The following IMMP2L variants were observed in gnomAD, a reference collection of about 807,000 sequenced individuals.
The protein encoded by IMMP2L is inner mitochondrial membrane peptidase subunit 2, also known as mitochondrial inner membrane protease subunit 2.
IMMP2L carries 18 observed loss-of-function variants against 19.3 expected under a neutral mutation model. The ratio of observed to expected loss-of-function variants is 0.93; its 90% CI spans 0.64 to 1.38. The LOEUF (loss-of-function observed/expected upper bound fraction) is 1.38, where lower values mean the gene tolerates loss of function less well. IMMP2L is among the 40% of genes most tolerant of loss of function. The pLI, the probability that IMMP2L is intolerant of heterozygous loss-of-function variation, is 0.00. For missense variants in IMMP2L, 233 were observed against 218.2 expected, an observed-to-expected ratio of 1.07 and a Z score of -0.43; for synonymous variants, 76 against 73.0, an observed-to-expected ratio of 1.04 and a Z score of -0.21.
intron 3 of IMMP2L, among the ~76,000 whole-genome samples, chr7:111,470,036 T>C (rs10266452): frequency 0.18 from 26,605 of 151,422 alleles, 4,373 homozygotes; most frequent in African/African-American, 0.44. Context: ...AAGAAAAAAA[T>C]AAACAACCCC....
At chr7:110,789,739 C>T (rs1800335120) in intron 5 of IMMP2L, among the ~76,000 whole-genome samples, 1 of 151,582 alleles carries the variant, frequency 6.6e-6, no homozygotes, top group South Asian at 2.1e-4. Context: ...GTCCTCCCTG[C>T]CTGACATGTT....
rs560556629 is a variant in IMMP2L, at chr7:110,863,005, G to A, written c.408+23588C>T. On this transcript the variant is annotated intron_variant, in intron 5 of 5. Transcript: ENST00000405709. ...ATTACCCTGTGGAAACTGGGGGATC[G>A]GAGAACCAGCACAAATTCTGATACT... Among the ~76,000 whole-genome samples the A allele has an allele frequency of 3.3e-5, 5 of 152,112 alleles. 1 individual carries two copies. The South Asian group carries it at 6.2e-4, about 19-fold the overall frequency.
chr7:111,021,634 G>A (rs139383517), intron 3 of IMMP2L, among the ~76,000 whole-genome samples: 171 of 152,332 alleles, frequency 1.1e-3, no homozygotes, highest in Middle Eastern at 3.4e-3. Flanking sequence ...AGTAATCCCA[G>A]CACTTTTGGA....
At chr7:111,351,482 C>T (rs1323561917) in intron 3 of IMMP2L, among the ~76,000 whole-genome samples, 1 of 152,168 alleles carries the variant, frequency 6.6e-6, no homozygotes, top group Non-Finnish European at 1.5e-5. Context: ...AGCCACCGCA[C>T]CCGGCCCATC....
At chr7:111,523,862 T>G (rs527446491) in intron 1 of IMMP2L, among the ~76,000 whole-genome samples, 30 of 152,254 alleles carry the variant, frequency 2.0e-4, no homozygotes, top group Non-Finnish European at 3.2e-4. Flanking sequence ...CTGCTTGACA[T>G]GTTTCATTCA....
At chr7:111,358,454 T>C (rs111444238) in intron 3 of IMMP2L, among the ~76,000 whole-genome samples, 3,981 of 152,024 alleles carry the variant, frequency 0.026, 178 homozygotes, top group African/African-American at 0.091. Context: ...AATCACATTA[T>C]CTTGTGATTA....
intron 3 of IMMP2L, among the ~76,000 whole-genome samples, chr7:111,265,285 C>T (rs1817709345): frequency 2.0e-5 from 3 of 152,130 alleles, no homozygotes; most frequent in Admixed American, 2.0e-4. Flanking sequence ...GAAATGTATT[C>T]TATTAAACAC....
At chr7:110,919,860 G>T (rs1055110621) in intron 4 of IMMP2L, among the ~76,000 whole-genome samples, 1 of 152,110 alleles carries the variant, frequency 6.6e-6, no homozygotes, top group Non-Finnish European at 1.5e-5. Flanking sequence ...TCGGTGGACT[G>T]GGAGAGGCAG....
At position 110,663,144 on chromosome 7, in the gene IMMP2L, C is replaced by T. The variant is rs1010110701; in HGVS notation, c.*458G>A. ...AGATAGTACAAATCACAATGTAATTCCCATCATTATGTGTATAATATGTGT... is the reference window on the plus strand; with the variant it reads ...AGATAGTACAAATCACAATGTAATTTCCATCATTATGTGTATAATATGTGT... On this transcript the variant is annotated 3_prime_UTR_variant, in exon 6 of 6. Coordinates refer to ENST00000405709, the MANE Select transcript of IMMP2L (RefSeq NM_032549.4). The T allele has an allele frequency of 1.2e-5, 2 of 167,442 alleles. No individual in the cohort carries two copies. The highest frequency in any genetic ancestry group is 5.8e-5 in the Admixed American group (1 of 17,234). 10.4% of individuals were successfully genotyped at this position (167,442 alleles called of 1,614,324 possible). A position where few individuals can be genotyped will look rare whatever the true frequency, so the allele number is the denominator to read the frequency against.
intron 4 of IMMP2L, chr7:110,962,483 T>G (rs961687207): frequency 3.3e-5 from 5 of 152,448 alleles, no homozygotes; most frequent in Non-Finnish European, 5.8e-5. Flanking sequence ...AGTTTCTGGC[T>G]TAATAGAAAA....
At chr7:111,419,433 C>T (rs1367978367) in intron 3 of IMMP2L, among the ~76,000 whole-genome samples, 1 of 151,498 alleles carries the variant, frequency 6.6e-6, no homozygotes, top group African/African-American at 2.4e-5. Context: ...AGGGAAAAGT[C>T]GATCTGGGAA....
chr7:110,729,944 TA>T (rs1202649963), intron 5 of IMMP2L, among the ~76,000 whole-genome samples: 22 of 141,130 alleles, frequency 1.6e-4, no homozygotes, highest in African/African-American at 2.5e-4. Context: ...TTTTTTTTTT[TA>T]AAAAGCAACG....
At chr7:111,474,702 T>C (rs1192386232) in intron 3 of IMMP2L, among the ~76,000 whole-genome samples, 2 of 152,118 alleles carry the variant, frequency 1.3e-5, no homozygotes, top group Non-Finnish European at 1.5e-5. Context: ...CAAACCTTTT[T>C]TGCCAAATTT....
intron 3 of IMMP2L, among the ~76,000 whole-genome samples, chr7:111,378,931 A>C (rs1036966607): frequency 6.6e-6 from 1 of 151,882 alleles, no homozygotes; most frequent in African/African-American, 2.4e-5. Context: ...CATGAGAAAC[A>C]GGTATACAAT....
chr7:111,459,462 T>G (rs1839953403), intron 3 of IMMP2L, among the ~76,000 whole-genome samples: 2 of 151,816 alleles, frequency 1.3e-5, no homozygotes, highest in African/African-American at 4.8e-5. Context: ...AATAAACTAA[T>G]CAATCAACCA....
intron 3 of IMMP2L, among the ~76,000 whole-genome samples, chr7:111,117,402 C>A (rs1241876865): frequency 1.3e-5 from 2 of 152,146 alleles, no homozygotes; most frequent in African/African-American, 2.4e-5. Flanking sequence ...ACAAAATCAT[C>A]CAGTAAACCT....
At chr7:110,762,689 A>T (rs1798422776) in intron 5 of IMMP2L, among the ~76,000 whole-genome samples, 1 of 152,146 alleles carries the variant, frequency 6.6e-6, no homozygotes, top group Non-Finnish European at 1.5e-5. Context: ...AATCCTATGG[A>T]GGTTTCTAAG....
At chr7:111,012,004 C>A (rs893825174) in intron 3 of IMMP2L, among the ~76,000 whole-genome samples, 4 of 151,928 alleles carry the variant, frequency 2.6e-5, no homozygotes, top group African/African-American at 9.7e-5. Context: ...GTGTGGAAGG[C>A]AAGAGAAGGT....
intron 5 of IMMP2L, among the ~76,000 whole-genome samples, chr7:110,761,667 T>C (rs910889100): frequency 7.9e-5 from 12 of 152,192 alleles, no homozygotes; most frequent in Non-Finnish European, 1.8e-4. Context: ...TGACATGTAT[T>C]GTCTAATGTA....
Sources: gnomAD v4.1 joint callset for allele counts (sites outside exome capture counted in the v4.1 genomes callset) on GRCh38, gnomAD v4.1.1 for gene constraint, MANE v1.5 for transcripts, NCBI Gene and HGNC (gene_info 2026-07-23, HGNC 2026-07-21) for gene names.